Variants in SRD5A2 observed in about 807,000 individuals in gnomAD.
SRD5A2 encodes the protein steroid 5 alpha-reductase 2.
A neutral mutation model predicts 27.4 loss-of-function variants in SRD5A2; 30 were observed. The observed-to-expected ratio is 1.10, with a 90% CI of 0.82 to 1.49. The LOEUF is 1.49. Among genes scored for constraint, SRD5A2 ranks in the 40% most tolerant of loss-of-function variants. SRD5A2 has a pLI of 0.00. For missense variants in SRD5A2, 348 were observed against 323.4 expected, an observed-to-expected ratio of 1.08 and a Z score of -0.58; for synonymous variants, 141 against 133.6, an observed-to-expected ratio of 1.06 and a Z score of -0.38.
chr2:31,524,639 A>G lies in SRD5A2; in HGVS notation c.*1557T>C. On this transcript the variant is annotated 3_prime_UTR_variant, in exon 5 of 5. Transcript: ENST00000622030. The stretch of plus-strand genomic sequence containing the variant: ...AAAAACACTTATTTATATGATTGCA[A>G]TTTGCATTTTTCAGTAATCTACATC... 8.7e-6 allele frequency: 2 copies of G among 230,610 alleles called. No homozygotes were observed. Among genetic ancestry groups the G allele is most frequent in the East Asian group, 1.2e-4 (2 of 16,234 alleles). The allele number at this position is 230,610 out of a possible 1,614,324, so 14.3% of individuals were successfully genotyped here. A position where few individuals can be genotyped will look rare whatever the true frequency, so the allele number is the denominator to read the frequency against.
intron 1 of SRD5A2, among the ~76,000 whole-genome samples, chr2:31,580,374 C>T (rs1373415604): frequency 6.6e-6 from 1 of 152,200 alleles, no homozygotes; most frequent in Non-Finnish European, 1.5e-5. Context: ...TTTGGAGCTG[C>T]TGAGAGCGGA....
the SRD5A2 span, among the ~76,000 whole-genome samples, chr2:31,638,019 G>A: frequency 1.3e-5 from 2 of 151,892 alleles, no homozygotes; most frequent in East Asian, 1.9e-4. Context: ...TGCATCATTA[G>A]GTTGTTTATT....
At chr2:31,565,575 CAA>C (rs1303081742) in intron 1 of SRD5A2, among the ~76,000 whole-genome samples, 2 of 151,780 alleles carry the variant, frequency 1.3e-5, no homozygotes, top group African/African-American at 4.8e-5. Context: ...TAATATAAGA[CAA>C]AAGTAGATTT....
chr2:31,657,932 A>G, the SRD5A2 span, among the ~76,000 whole-genome samples: 2 of 152,136 alleles, frequency 1.3e-5, no homozygotes, highest in African/African-American at 4.8e-5. Context: ...AACAAAAATC[A>G]TCTCTAGAAG....
chr2:31,542,827 C>T (rs1272226369), intron 1 of SRD5A2, among the ~76,000 whole-genome samples: 1 of 152,050 alleles, frequency 6.6e-6, no homozygotes, highest in Non-Finnish European at 1.5e-5. Context: ...TCAACATACA[C>T]ACCATGAGAG....
At chr2:31,611,713 A>G in the SRD5A2 span, among the ~76,000 whole-genome samples, 1 of 152,202 alleles carries the variant, frequency 6.6e-6, no homozygotes, top group Non-Finnish European at 1.5e-5. Flanking sequence ...GCTGGGTGGA[A>G]GTACAAAATG....
intron 3 of SRD5A2, among the ~76,000 whole-genome samples, chr2:31,530,079 C>G (rs957595683): frequency 6.6e-6 from 1 of 152,046 alleles, no homozygotes; most frequent in African/African-American, 2.4e-5. Flanking sequence ...TCTATCCAAC[C>G]AGGTATTTCT....
At chr2:31,638,652 T>G in the SRD5A2 span, among the ~76,000 whole-genome samples, 1 of 152,082 alleles carries the variant, frequency 6.6e-6, no homozygotes, top group South Asian at 2.1e-4. Context: ...CTTGCTGTAT[T>G]GACCGCTTTA....
Position 31,529,303 on chromosome 2 carries a change from T to G in SRD5A2, c.698+4A>C, listed in dbSNP as rs1305734607. 2 of 1,613,538 alleles carry G rather than the reference T, an allele frequency of 1.2e-6. No homozygotes were observed. Among genetic ancestry groups the G allele is most frequent in the African/African-American group, 2.7e-5 (2 of 74,878 alleles). On this transcript the variant is annotated splice_donor_region_variant and intron_variant, in intron 4 of 4. Coordinates refer to ENST00000622030, the MANE Select transcript of SRD5A2 (RefSeq NM_000348.4). Reference sequence around the variant, plus strand: ...AATGCTGCCGCTTTTATTGAAAAATTTACCTATGGTGGTGAAAAGCTCGCA... The same window carrying G: ...AATGCTGCCGCTTTTATTGAAAAATGTACCTATGGTGGTGAAAAGCTCGCA...
At position 31,533,621 on chromosome 2, in the gene SRD5A2, C is replaced by G. The variant is rs1486964877; in HGVS notation, c.427G>C (p.Asp143His). ...CACTTACCCAAGCTAAACCGTATGT[C>G]TGTGTACCACCCATCAGGGTATTCA... ...CAEYPDGWYT[D>H]IRFSLGVFLF... The change falls in exon 2 of 5, where the codon GAC becomes CAC. Residue 143 changes from aspartate (D) to histidine (H), a missense_variant. Physicochemically the swap from Asp to His is moderately conservative, Grantham distance 81. Coordinates refer to ENST00000622030, the MANE Select transcript of SRD5A2 (RefSeq NM_000348.4). 7 of 1,552,298 alleles carry G rather than the reference C, an allele frequency of 4.5e-6. No individual in the cohort carries two copies. Among genetic ancestry groups the G allele is most frequent in the Non-Finnish European group, 5.2e-6 (6 of 1,147,390 alleles).
At chr2:31,623,206 G>C in the SRD5A2 span, among the ~76,000 whole-genome samples, 1 of 151,978 alleles carries the variant, frequency 6.6e-6, no homozygotes, top group African/African-American at 2.4e-5. Flanking sequence ...TGTCTCTAAT[G>C]CTTTACAACC....
intron 4 of SRD5A2, among the ~76,000 whole-genome samples, chr2:31,529,073 A>G (rs2148063125): frequency 6.6e-6 from 1 of 152,346 alleles, no homozygotes; most frequent in East Asian, 1.9e-4. Flanking sequence ...GCCTCTGTTT[A>G]CATGGACTTA....
intron 1 of SRD5A2, among the ~76,000 whole-genome samples, chr2:31,561,420 C>T (rs909698198): frequency 7.2e-5 from 11 of 152,190 alleles, no homozygotes; most frequent in African/African-American, 2.4e-4. Context: ...AGGGCAGCCA[C>T]ATCCCATTGT....
the SRD5A2 span, among the ~76,000 whole-genome samples, chr2:31,618,358 T>C: frequency 0.022 from 3,286 of 152,222 alleles, 42 homozygotes; most frequent in Non-Finnish European, 0.027. Flanking sequence ...AAAACTGATA[T>C]GTTGAAGAGG....
Position 31,531,400 on chromosome 2 carries a change from G to A in SRD5A2, c.518C>T (p.Pro173Leu), listed in dbSNP as rs1558356814. 4 of 1,593,860 alleles carry A rather than the reference G, an allele frequency of 2.5e-6. No homozygotes were observed. Among genetic ancestry groups the A allele is most frequent in the Admixed American group, 1.8e-5 (1 of 57,118 alleles). The change falls in exon 3 of 5, where the codon CCT becomes CTT. Residue 173 changes from proline (P) to leucine (L), a missense_variant. Physicochemically the swap from Pro to Leu is moderately conservative, Grantham distance 98. Coordinates refer to ENST00000622030, the MANE Select transcript of SRD5A2 (RefSeq NM_000348.4). ...SDYILRQLRK[P>L]GEISYRIPQG... ...TGGAATCCTGTAGCTGATTTCTCCA[G>A]GCTTCCTGAGCTGGCGCAATATATA... is the stretch of plus-strand genomic sequence containing the variant.
intron 1 of SRD5A2, among the ~76,000 whole-genome samples, chr2:31,557,757 T>C (rs531950720): frequency 1.7e-4 from 26 of 152,308 alleles, no homozygotes; most frequent in Non-Finnish European, 3.2e-4. Flanking sequence ...GATTTTGCAA[T>C]TGCCCTAGAG....
rs769913545 is a variant in SRD5A2 at position 31,580,847 on chromosome 2, G to A, written c.54C>T (p.Val18=). 6.2e-6 allele frequency: 10 copies of A among 1,611,714 alleles called. No individual in the cohort carries two copies. The highest frequency in any genetic ancestry group is 3.3e-4 in the Middle Eastern group (2 of 6,044). ...SPVLAGSATL[V]ALGALALYVA... The stretch of plus-strand genomic sequence containing the variant: ...CGTACAAGGCCAGTGCCCCAAGGGC[G>A]ACCAAAGTGGCGCTGCCTGCCAGCA... The change falls in exon 1 of 5, where the codon GTC becomes GTT. Residue 18 remains valine (V), a synonymous_variant. Transcript: ENST00000622030.
rs1665774960 is a variant in SRD5A2, at chr2:31,526,114, A to G, written c.*82T>C. ...ACTATTACATATATACGGGACTATTATATCATGAAAATTACAGTTTCAGCA... is the reference window on the plus strand; with the variant it reads ...ACTATTACATATATACGGGACTATTGTATCATGAAAATTACAGTTTCAGCA... On this transcript the variant is annotated 3_prime_UTR_variant, in exon 5 of 5. Coordinates refer to ENST00000622030, the MANE Select transcript of SRD5A2 (RefSeq NM_000348.4). 1 of 833,536 alleles carries G rather than the reference A, an allele frequency of 1.2e-6. No individual in the cohort carries two copies. The highest frequency in any genetic ancestry group is 2.2e-5 in the Admixed American group (1 of 45,412). The allele number at this position is 833,536 out of a possible 1,614,324, so 51.6% of individuals were successfully genotyped here.
the SRD5A2 span, among the ~76,000 whole-genome samples, chr2:31,614,753 C>CT: frequency 6.6e-6 from 1 of 152,326 alleles, no homozygotes; most frequent in Non-Finnish European, 1.5e-5. Flanking sequence ...AGTTCCAAAA[C>CT]TTTAATTCTT....
Sources: gnomAD v4.1 joint callset for allele counts (sites outside exome capture counted in the v4.1 genomes callset) on GRCh38, gnomAD v4.1.1 for gene constraint, MANE v1.5 for transcripts, NCBI Gene and HGNC (gene_info 2026-07-23, HGNC 2026-07-21) for gene names.